The following DPY19L1 variants were observed in gnomAD, a reference collection of about 807,000 sequenced individuals.
The protein encoded by DPY19L1 is dpy-19 like C-mannosyltransferase 1, also known as protein C-mannosyl-transferase DPY19L1.
A neutral mutation model predicts 96.9 loss-of-function variants in DPY19L1; 35 were observed. The ratio of observed to expected loss-of-function variants is 0.36; its 90% CI spans 0.28 to 0.48. The LOEUF (loss-of-function observed/expected upper bound fraction) is 0.48. Ranked by LOEUF, DPY19L1 falls within the 20% of genes least tolerant of loss-of-function variation. The probability of loss-of-function intolerance (pLI) is 0.99; values close to 1 mark genes in which losing one functional copy is unlikely to be tolerated. For missense variants in DPY19L1, 521 were observed against 777.9 expected (o/e 0.67, Z 3.93); for synonymous variants, 205 against 252.6 (o/e 0.81, Z 1.79).
intron 7 of DPY19L1, among the ~76,000 whole-genome samples, chr7:34,974,731 C>T (rs1784797518): frequency 6.6e-6 from 1 of 152,170 alleles, no homozygotes; most frequent in Non-Finnish European, 1.5e-5. Flanking sequence ...CTTTACCATG[C>T]TTCACAGATA....
At chr7:35,006,550 T>G (rs1785562043) in intron 6 of DPY19L1, among the ~76,000 whole-genome samples, 2 of 152,182 alleles carry the variant, frequency 1.3e-5, no homozygotes, top group East Asian at 1.9e-4. Context: ...AAACTGTTAG[T>G]CTGTGGCTAA....
chr7:34,971,758 A>G (rs1341636874), intron 8 of DPY19L1, among the ~76,000 whole-genome samples: 1 of 152,222 alleles, frequency 6.6e-6, no homozygotes, highest in Non-Finnish European at 1.5e-5. Context: ...AAAACAGAGA[A>G]GAACCCAACA....
intron 6 of DPY19L1, among the ~76,000 whole-genome samples, chr7:35,007,588 G>GAT (rs762227489): frequency 6.6e-6 from 1 of 150,392 alleles, no homozygotes; most frequent in African/African-American, 2.4e-5. Context: ...ACACACGTGT[G>GAT]GTGTGTGTGT....
intron 18 of DPY19L1, among the ~76,000 whole-genome samples, chr7:34,941,175 A>G (rs573226166): frequency 6.6e-6 from 1 of 152,286 alleles, no homozygotes; most frequent in African/African-American, 2.4e-5. Context: ...ACTATCTGCT[A>G]CGTCTAAGGG....
intron 6 of DPY19L1, among the ~76,000 whole-genome samples, chr7:34,996,491 C>T (rs1351831467): frequency 1.3e-5 from 2 of 152,164 alleles, no homozygotes; most frequent in South Asian, 2.1e-4. Context: ...TGAACAAATG[C>T]TTCCCCTGGA....
intron 6 of DPY19L1, among the ~76,000 whole-genome samples, chr7:34,993,202 T>C (rs1314506510): frequency 6.6e-6 from 1 of 152,230 alleles, no homozygotes; most frequent in African/African-American, 2.4e-5. Flanking sequence ...TCCTGTCTTG[T>C]CTCTGAAGGT....
At chr7:34,961,381 C>CAAT (rs1407329053) in intron 10 of DPY19L1, among the ~76,000 whole-genome samples, 6 of 152,136 alleles carry the variant, frequency 3.9e-5, no homozygotes, top group Non-Finnish European at 8.8e-5. Context: ...GGAGCAAAGG[C>CAAT]AATACTGTGG....
At position 35,001,901 on chromosome 7, in the gene DPY19L1, G is replaced by A. The variant is rs183202202; in HGVS notation, c.764+8567C>T. Reference sequence around the variant, plus strand: ...AGCACTTTGGGAGGCTGAGGCGGGCGGATCACCAGGTCAAGAGATTGAGAC... The same window carrying A: ...AGCACTTTGGGAGGCTGAGGCGGGCAGATCACCAGGTCAAGAGATTGAGAC... On this transcript the variant is annotated intron_variant, in intron 6 of 21. Transcript: ENST00000638088. Among the ~76,000 whole-genome samples the A allele has an allele frequency of 2.4e-3, 362 of 151,930 alleles. 2 individuals are homozygous for A. The highest frequency in any genetic ancestry group is 8.3e-3 in the African/African-American group (344 of 41,428).
chr7:35,024,077 C>A (rs1295228903), intron 1 of DPY19L1, among the ~76,000 whole-genome samples: 2 of 151,916 alleles, frequency 1.3e-5, no homozygotes, highest in African/African-American at 4.8e-5. Context: ...GCCTTGTGAT[C>A]CCCCCGCCTC....
In DPY19L1 at chr7:34,949,849, A is replaced by C; in HGVS notation, c.1370T>G (p.Phe457Cys). 1.2e-6 allele frequency: 2 copies of C among 1,603,116 alleles called. No individual in the cohort carries two copies. The highest frequency in any genetic ancestry group is 1.7e-6 in the Non-Finnish European group (2 of 1,176,090). Residue 457 changes from phenylalanine to cysteine, a missense_variant, in exon 14 of 22, where the codon TTT becomes TGT. Physicochemically the swap from Phe to Cys is radical, Grantham distance 205 (BLOSUM62 -2). Coordinates refer to ENST00000638088, the MANE Select transcript of DPY19L1 (RefSeq NM_001366673.1). ...TGCACAGGTATACAATAAAGTATCA[A>C]AATCCTTATAACTAAAGAATTTTGA... Reference protein sequence around the residue: ...LTSKFFSYKDFDTLLYTCAAE... With the variant: ...LTSKFFSYKDCDTLLYTCAAE...
At chr7:34,969,305 T>G (rs1438834637) in intron 9 of DPY19L1, 128 bp downstream of exon 9, 1 of 469,162 alleles carries the variant, frequency 2.1e-6, no homozygotes, top group East Asian at 3.5e-5. Context: ...GAAAAACATT[T>G]TTCCTAGAAA....
chr7:34,967,152 T>C (rs1562809880), intron 9 of DPY19L1, among the ~76,000 whole-genome samples, 181 bp from the exon 10 acceptor site: 1 of 152,202 alleles, frequency 6.6e-6, no homozygotes, highest in Non-Finnish European at 1.5e-5. Flanking sequence ...AAAATATTGG[T>C]TGATTTTTCT....
At chr7:35,003,502 C>T (rs1785480527) in intron 6 of DPY19L1, among the ~76,000 whole-genome samples, 1 of 152,258 alleles carries the variant, frequency 6.6e-6, no homozygotes, top group Non-Finnish European at 1.5e-5. Flanking sequence ...ACTTATATCA[C>T]TCACAGAAGT....
intron 1 of DPY19L1, among the ~76,000 whole-genome samples, chr7:35,036,788 C>G (rs1374912686): frequency 6.6e-6 from 1 of 151,998 alleles, no homozygotes; most frequent in Non-Finnish European, 1.5e-5. Flanking sequence ...GCTCAAGTCT[C>G]GTTAGCGCAG....
intron 7 of DPY19L1, among the ~76,000 whole-genome samples, chr7:34,989,664 G>C (rs902588238): frequency 1.3e-5 from 2 of 151,170 alleles, no homozygotes; most frequent in African/African-American, 2.4e-5. Context: ...AAACAGAATT[G>C]ATACAGTTGA....
At chr7:34,950,428 C>T (rs1240973619) in intron 13 of DPY19L1, among the ~76,000 whole-genome samples, 1 of 152,178 alleles carries the variant, frequency 6.6e-6, no homozygotes, top group African/African-American at 2.4e-5. Flanking sequence ...AGGATTCTCA[C>T]TCACACTGCC....
intron 21 of DPY19L1, among the ~76,000 whole-genome samples, chr7:34,937,200 T>C (rs555001473): frequency 3.2e-4 from 48 of 152,350 alleles, no homozygotes; most frequent in African/African-American, 5.5e-4. Context: ...TCTGTGGAAA[T>C]AGAAACTTAA....
chr7:34,972,566 G>A (rs1328986186), intron 8 of DPY19L1, among the ~76,000 whole-genome samples: 2 of 152,068 alleles, frequency 1.3e-5, no homozygotes, highest in African/African-American at 2.4e-5. Flanking sequence ...TGTGAATGTG[G>A]AAAAACAGCA....
Position 35,037,355 on chromosome 7 carries a change from G to C in DPY19L1, c.40C>G (p.Pro14Ala), listed in dbSNP as rs1786454350. ...QARNKHREAAPKPPQPPRASQ... is the reference protein window; with the variant it reads ...QARNKHREAAAKPPQPPRASQ... ...GCGCGGGGTGGCTGGGGCGGCTTGG[G>C]AGCCGCCTCCCGGTGCTTGTTCCGC... Residue 14 changes from proline to alanine, a missense_variant, in exon 1 of 22, where the codon CCC becomes GCC. Transcript: ENST00000638088. The C allele has an allele frequency of 2.8e-6, 1 of 357,726 alleles. No individual in the cohort carries two copies. The highest frequency in any genetic ancestry group is 2.1e-5 in the African/African-American group (1 of 46,714). The allele number at this position is 357,726 out of a possible 1,614,324, so 22.2% of individuals were successfully genotyped here.
Sources: gnomAD v4.1 joint callset for allele counts (sites outside exome capture counted in the v4.1 genomes callset) on GRCh38, gnomAD v4.1.1 for gene constraint, MANE v1.5 for transcripts, NCBI Gene and HGNC (gene_info 2026-07-23, HGNC 2026-07-21) for gene names.